The following PSD3 variants were observed in gnomAD, a reference collection of about 807,000 sequenced individuals.
The protein encoded by PSD3 is pleckstrin and Sec7 domain containing 3.
Under a neutral mutation model 105.5 loss-of-function variants are expected in PSD3, and 49 were observed. The observed-to-expected ratio is 0.46, with a 90% CI of 0.37 to 0.59. The LOEUF (loss-of-function observed/expected upper bound fraction) is 0.59. PSD3 is among the 20% of genes least tolerant of loss of function. The pLI, the probability that PSD3 is intolerant of heterozygous loss-of-function variation, is 0.00. For missense variants in PSD3, 1,561 were observed against 1,263.8 expected, an observed-to-expected ratio of 1.24 and a Z score of -3.57; for synonymous variants, 557 against 457.8, an observed-to-expected ratio of 1.22 and a Z score of -2.77.
chr8:18,770,939 G>C (rs919714110), intron 8 of PSD3, among the ~76,000 whole-genome samples: 1 of 152,200 alleles, frequency 6.6e-6, no homozygotes, highest in African/African-American at 2.4e-5. Flanking sequence ...ATTGCCGATG[G>C]AAGTGGCTCT....
At chr8:18,610,612 C>A (rs1805191712) in intron 11 of PSD3, among the ~76,000 whole-genome samples, 1 of 152,196 alleles carries the variant, frequency 6.6e-6, no homozygotes, top group African/African-American at 2.4e-5. Flanking sequence ...TTTCTTTTAA[C>A]AGAACCTATA....
At chr8:18,674,166 G>T (rs531412480) in intron 9 of PSD3, among the ~76,000 whole-genome samples, 1 of 152,028 alleles carries the variant, frequency 6.6e-6, no homozygotes, top group Non-Finnish European at 1.5e-5. Flanking sequence ...GAAAATGGTG[G>T]GAGGAAGGGT....
chr8:18,928,608 T>C (rs989838409), intron 2 of PSD3, among the ~76,000 whole-genome samples: 1 of 152,190 alleles, frequency 6.6e-6, no homozygotes, highest in Admixed American at 6.5e-5. Flanking sequence ...AGAAAATCTC[T>C]AGAGATAAAA....
chr8:18,913,570 AG>A lies in PSD3; in HGVS notation c.130+22463del, dbSNP rs779375911. Among the ~76,000 whole-genome samples, 57 of 152,176 alleles carry A rather than the reference AG, an allele frequency of 3.7e-4. 1 individual carries two copies. The highest frequency in any genetic ancestry group is 5.2e-4 in the Admixed American group (8 of 15,276). Reference sequence around the variant, plus strand: ...TCATGCTCTACAGAACCAAGGATCCAGGCCTGCTTCAGCAGACCCTGGGGCC... The same window carrying A: ...TCATGCTCTACAGAACCAAGGATCCAGCCTGCTTCAGCAGACCCTGGGGCC... On this transcript the variant is annotated intron_variant, in intron 2 of 15. Transcript: ENST00000327040.
chr8:18,559,322 A>C (rs1801256590), intron 14 of PSD3, among the ~76,000 whole-genome samples: 1 of 152,218 alleles, frequency 6.6e-6, no homozygotes, highest in South Asian at 2.1e-4. Flanking sequence ...ATAGGTAAGA[A>C]ATGATAAGCC....
chr8:19,007,553 G>A (rs956807978), intron 1 of PSD3, among the ~76,000 whole-genome samples: 1 of 151,956 alleles, frequency 6.6e-6, no homozygotes, highest in African/African-American at 2.4e-5. Context: ...TAACTGCATC[G>A]ATTCTATAAA....
intron 9 of PSD3, among the ~76,000 whole-genome samples, chr8:18,742,104 G>A (rs1804623140): frequency 6.6e-6 from 1 of 152,020 alleles, no homozygotes; most frequent in South Asian, 2.1e-4. Flanking sequence ...ACTATAATAG[G>A]GAAGATATAA....
At chr8:18,822,840 A>G (rs59104397) in intron 4 of PSD3, among the ~76,000 whole-genome samples, 3 of 152,118 alleles carry the variant, frequency 2.0e-5, no homozygotes, top group East Asian at 3.9e-4. Flanking sequence ...AAAAAAATCC[A>G]TGTCAGATGA....
chr8:18,890,496 C>CA (rs1361770830), intron 2 of PSD3, among the ~76,000 whole-genome samples: 3 of 152,072 alleles, frequency 2.0e-5, no homozygotes, highest in African/African-American at 7.2e-5. Flanking sequence ...TAATGATAGT[C>CA]ACGCCAGAGC....
intron 8 of PSD3, among the ~76,000 whole-genome samples, chr8:18,796,218 G>A (rs1810163492): frequency 6.6e-6 from 1 of 152,056 alleles, no homozygotes. Flanking sequence ...AGCCTAATTA[G>A]AGAAGTTTAA....
In PSD3 at chr8:18,801,258, G is replaced by C. The variant is rs1176982023; in HGVS notation, c.2023+12C>G. On this transcript the variant is annotated intron_variant, in intron 7 of 15. Coordinates refer to ENST00000327040, the MANE Select transcript of PSD3 (RefSeq NM_015310.4). ...ATATAAAAAAGAAATTCAAGGATTT[G>C]TATCAGATTACCTTGTGAAGCAATG... 1 of 1,449,166 alleles carries C rather than the reference G, an allele frequency of 6.9e-7. No individual in the cohort carries two copies. Among genetic ancestry groups the C allele is most frequent in the Non-Finnish European group, 9.5e-7 (1 of 1,048,270 alleles). 89.8% of individuals were successfully genotyped at this position (1,449,166 alleles called of 1,614,324 possible).
At chr8:18,583,103 G>T (rs1263444533) in intron 12 of PSD3, among the ~76,000 whole-genome samples, 1 of 152,076 alleles carries the variant, frequency 6.6e-6, no homozygotes, top group Non-Finnish European at 1.5e-5. Context: ...TGGGATTACA[G>T]GCGTGAGCCA....
intron 11 of PSD3, among the ~76,000 whole-genome samples, chr8:18,616,013 C>A (rs74580877): frequency 0.017 from 2,309 of 137,046 alleles, 49 homozygotes; most frequent in East Asian, 0.085. Flanking sequence ...ATCTGTTCTC[C>A]AAGGAATATA....
chr8:19,020,311 A>G (rs1364153075), intron 1 of PSD3, among the ~76,000 whole-genome samples: 1 of 152,126 alleles, frequency 6.6e-6, no homozygotes, highest in Admixed American at 6.5e-5. Flanking sequence ...AGATGATTGC[A>G]AAGGATATTG....
chr8:18,848,347 C>A (rs1408113342), intron 4 of PSD3, among the ~76,000 whole-genome samples: 7 of 152,294 alleles, frequency 4.6e-5, no homozygotes, highest in Admixed American at 2.6e-4. Flanking sequence ...CGTAGGGCAA[C>A]CCCACCCTTG....
chr8:18,978,997 C>T (rs1390132524), intron 1 of PSD3, among the ~76,000 whole-genome samples: 1 of 152,094 alleles, frequency 6.6e-6, no homozygotes, highest in African/African-American at 2.4e-5. Context: ...GCCTGTGTTC[C>T]TTCTGGAGTT....
chr8:18,989,574 T>C (rs981379549), intron 1 of PSD3, among the ~76,000 whole-genome samples: 6 of 152,240 alleles, frequency 3.9e-5, no homozygotes, highest in Non-Finnish European at 8.8e-5. Flanking sequence ...CCCAGCTCTA[T>C]TAATAAATTA....
At chr8:18,846,327 C>A (rs1044792947) in intron 4 of PSD3, among the ~76,000 whole-genome samples, 5 of 152,156 alleles carry the variant, frequency 3.3e-5, no homozygotes, top group Non-Finnish European at 7.4e-5. Context: ...ACCTGAATGC[C>A]AACATTTAAC....
chr8:18,575,036 A>C (rs1453360918), intron 13 of PSD3, 92 bp downstream of exon 13: 23 of 1,344,962 alleles, frequency 1.7e-5, no homozygotes, highest in Non-Finnish European at 2.3e-5. Flanking sequence ...AACTCAAAAA[A>C]TTTCCCCTGC....
Sources: allele counts gnomAD v4.1 joint callset (sites outside exome capture counted in the v4.1 genomes callset), GRCh38; gene constraint gnomAD v4.1.1; transcripts MANE v1.5; gene names NCBI Gene and HGNC (gene_info 2026-07-23, HGNC 2026-07-21).